RALYL: variants seen among roughly 807,000 people sequenced by gnomAD.
The protein encoded by RALYL is RNA-binding Raly-like protein.
Under a neutral mutation model 35.1 loss-of-function variants are expected in RALYL, and 29 were observed. That is an observed-to-expected ratio of 0.83 (90% CI 0.61 to 1.13). The LOEUF is 1.13. Ranked by LOEUF, RALYL falls within the 50% of genes most tolerant of loss-of-function variation. The pLI, the probability that RALYL is intolerant of heterozygous loss-of-function variation, is 0.00. For synonymous variants in RALYL, 120 were observed against 127.6 expected, an observed-to-expected ratio of 0.94 and a Z score of 0.40; for missense variants, 359 against 360.4, an observed-to-expected ratio of 1.00 and a Z score of 0.03.
intron 1 of RALYL, among the ~76,000 whole-genome samples, chr8:84,291,713 G>A (rs1050910705): frequency 1.7e-4 from 26 of 151,808 alleles, no homozygotes; most frequent in African/African-American, 6.3e-4. Flanking sequence ...TGTTTGAATG[G>A]GAGGTCTTGT....
intron 2 of RALYL, among the ~76,000 whole-genome samples, chr8:84,643,843 T>C (rs1826912000): frequency 6.6e-6 from 1 of 151,842 alleles, no homozygotes; most frequent in Admixed American, 6.6e-5. Flanking sequence ...GTGGGAAGGG[T>C]ACTGAGTACG....
At position 84,518,124 on chromosome 8, in the gene RALYL, C is replaced by T. The variant is rs182534509; in HGVS notation, c.-23-11175C>T. Among the ~76,000 whole-genome samples the T allele has an allele frequency of 1.1e-3, 174 of 152,256 alleles. 1 individual carries two copies. The highest frequency in any genetic ancestry group is 3.2e-3 in the African/African-American group (134 of 41,556). ...GCAAAGTCTAAGGCCTAAGTGGAGA[C>T]AACAAATGTCTAGTGAACTAAGACG... On this transcript the variant is annotated intron_variant, in intron 1 of 8. Transcript: ENST00000521268.
At chr8:84,505,129 C>A (rs961624561) in intron 1 of RALYL, among the ~76,000 whole-genome samples, 2 of 152,106 alleles carry the variant, frequency 1.3e-5, no homozygotes, top group Non-Finnish European at 2.9e-5. Flanking sequence ...AACAATACAC[C>A]TGCCTCCATC....
At chr8:84,561,050 A>C (rs549824128) in intron 2 of RALYL, among the ~76,000 whole-genome samples, 1 of 152,150 alleles carries the variant, frequency 6.6e-6, no homozygotes, top group East Asian at 1.9e-4. Flanking sequence ...TCACTCATTA[A>C]GTTTTATTGA....
chr8:84,205,041 C>T (rs1817742898), intron 1 of RALYL, among the ~76,000 whole-genome samples: 1 of 152,176 alleles, frequency 6.6e-6, no homozygotes, highest in South Asian at 2.1e-4. Context: ...ATTCTGAAAT[C>T]TTCTAACTCT....
rs376283961 is a variant in RALYL, at chr8:84,468,877, G to A, written c.-23-60422G>A. ...CTTTTTTCTCTAGACTTCCCTTCTC[G>A]CTTCATTTCATTCATTTCATCTTCC... On this transcript the variant is annotated intron_variant, in intron 1 of 8. Transcript: ENST00000521268. Among the ~76,000 whole-genome samples the A allele has an allele frequency of 1.8e-3, 279 of 151,728 alleles. 1 individual carries two copies. The highest frequency in any genetic ancestry group is 5.6e-3 in the African/African-American group (233 of 41,346).
intron 2 of RALYL, among the ~76,000 whole-genome samples, chr8:84,605,560 C>A (rs543281895): frequency 2.6e-5 from 4 of 152,212 alleles, no homozygotes; most frequent in South Asian, 2.1e-4. Context: ...ATAGGCTCAA[C>A]CCTGTTCAGT....
intron 2 of RALYL, among the ~76,000 whole-genome samples, chr8:84,723,766 T>C (rs931071287): frequency 6.6e-6 from 1 of 151,884 alleles, no homozygotes; most frequent in East Asian, 1.9e-4. Flanking sequence ...AATCTTTAAG[T>C]AGTTATTTTT....
chr8:84,468,305 T>C (rs1219041851), intron 1 of RALYL, among the ~76,000 whole-genome samples: 1 of 152,184 alleles, frequency 6.6e-6, no homozygotes, highest in Non-Finnish European at 1.5e-5. Context: ...CCATGTTTAG[T>C]GCTTCTTTCA....
chr8:84,394,150 G>A (rs1392919312), intron 1 of RALYL, among the ~76,000 whole-genome samples: 1 of 151,994 alleles, frequency 6.6e-6, no homozygotes, highest in African/African-American at 2.4e-5. Context: ...ATGATTTCAA[G>A]TGTCGTTCAC....
chr8:84,395,199 TATATAC>T (rs753644572), intron 1 of RALYL, among the ~76,000 whole-genome samples: 6 of 151,908 alleles, frequency 3.9e-5, no homozygotes, highest in Non-Finnish European at 8.8e-5. Context: ...CTTGTATACA[TATATAC>T]ATACATGTAG....
chr8:84,591,757 A>G (rs1443954656), intron 2 of RALYL, among the ~76,000 whole-genome samples: 1 of 152,126 alleles, frequency 6.6e-6, no homozygotes, highest in Non-Finnish European at 1.5e-5. Flanking sequence ...CTGGTGTAGG[A>G]CTGTGTGATG....
chr8:84,901,663 G>T (rs969425053), intron 8 of RALYL, among the ~76,000 whole-genome samples: 2 of 152,132 alleles, frequency 1.3e-5, no homozygotes, highest in Admixed American at 6.5e-5. Flanking sequence ...GGCATACTAA[G>T]TAAATATATC....
At chr8:84,677,303 G>A (rs1032955678) in intron 2 of RALYL, among the ~76,000 whole-genome samples, 23 of 152,094 alleles carry the variant, frequency 1.5e-4, no homozygotes, top group Admixed American at 1.4e-3. Flanking sequence ...TATTATGTTT[G>A]TAAAATGTAT....
At chr8:84,757,578 G>T (rs567672821) in intron 2 of RALYL, among the ~76,000 whole-genome samples, 29 of 152,226 alleles carry the variant, frequency 1.9e-4, no homozygotes, top group African/African-American at 6.0e-4. Context: ...CCATTTAAAA[G>T]AACTTGTGAG....
chr8:84,681,950 C>T (rs1391727019), intron 2 of RALYL, among the ~76,000 whole-genome samples: 2 of 152,124 alleles, frequency 1.3e-5, no homozygotes. Flanking sequence ...AGTTTTTGCC[C>T]ATTCAGTATG....
intron 2 of RALYL, among the ~76,000 whole-genome samples, chr8:84,601,565 C>G (rs146260324): frequency 6.6e-6 from 1 of 152,070 alleles, no homozygotes; most frequent in African/African-American, 2.4e-5. Flanking sequence ...ATTCCATCTT[C>G]CTGCCTTTGA....
Position 84,401,231 on chromosome 8 carries a change from T to TTC in RALYL, c.-23-128067_-23-128066insCT, listed in dbSNP as rs1563855739. On this transcript the variant is annotated intron_variant, in intron 1 of 8. Transcript: ENST00000521268. The stretch of plus-strand genomic sequence containing the variant: ...AAATGTGCTTTCTTTTCTTCTTCTT[T>TTC]TTTTTAATCTTTTCTTCTATTCTGT... Among the ~76,000 whole-genome samples the TTC allele has an allele frequency of 4.0e-3, 599 of 151,438 alleles. 8 individuals carry two copies. The highest frequency in any genetic ancestry group is 0.014 in the African/African-American group (571 of 40,760).
At chr8:84,421,033 C>CT (rs1251824000) in intron 1 of RALYL, among the ~76,000 whole-genome samples, 1 of 126,068 alleles carries the variant, frequency 7.9e-6, no homozygotes, top group Non-Finnish European at 1.6e-5. Flanking sequence ...AATGCGGGCT[C>CT]TTTTTTGGTT....
Sources: allele counts gnomAD v4.1 joint callset (sites outside exome capture counted in the v4.1 genomes callset), GRCh38; gene constraint gnomAD v4.1.1; transcripts MANE v1.5; gene names NCBI Gene and HGNC (gene_info 2026-07-23, HGNC 2026-07-21).